The following RALGAPA1 variants were observed in gnomAD, a reference collection of about 807,000 sequenced individuals.
The protein encoded by RALGAPA1 is ral GTPase-activating protein subunit alpha-1.
Under a neutral mutation model 269.6 loss-of-function variants are expected in RALGAPA1, and 52 were observed. The observed-to-expected ratio is 0.19, with a 90% CI of 0.15 to 0.24. The LOEUF (loss-of-function observed/expected upper bound fraction) is 0.24. Among genes scored for constraint, RALGAPA1 ranks in the 10% least tolerant of loss-of-function variants. The pLI is 1.00. For synonymous variants in RALGAPA1, 817 were observed against 1,008.3 expected, an observed-to-expected ratio of 0.81 and a Z score of 3.60; for missense variants, 1,917 against 3,013.9, an observed-to-expected ratio of 0.64 and a Z score of 8.52.
chr14:35,578,059 C>T (rs2057694426), intron 37 of RALGAPA1, among the ~76,000 whole-genome samples: 1 of 152,084 alleles, frequency 6.6e-6, no homozygotes, highest in African/African-American at 2.4e-5. Context: ...CCTCCATATC[C>T]ACCTTCTTTC....
intron 37 of RALGAPA1, among the ~76,000 whole-genome samples, chr14:35,580,998 G>C (rs889166907): frequency 1.3e-5 from 2 of 152,050 alleles, no homozygotes; most frequent in East Asian, 1.9e-4. Context: ...AAAGGATAGG[G>C]GGGACAACCT....
At chr14:35,600,700 C>T (rs1023991590) in intron 36 of RALGAPA1, among the ~76,000 whole-genome samples, 1 of 152,162 alleles carries the variant, frequency 6.6e-6, no homozygotes, top group Admixed American at 6.5e-5. Flanking sequence ...TTGTTCTTTA[C>T]ATTTTCTATT....
intron 17 of RALGAPA1, 21 bp downstream of exon 17, chr14:35,700,141 A>G: frequency 6.6e-7 from 1 of 1,512,434 alleles, no homozygotes; most frequent in Non-Finnish European, 8.8e-7. Context: ...GTGGTGCAGA[A>G]ATTAGCAGAG....
intron 13 of RALGAPA1, among the ~76,000 whole-genome samples, chr14:35,725,779 T>C (rs994671605): frequency 7.9e-5 from 12 of 152,064 alleles, no homozygotes; most frequent in African/African-American, 2.7e-4. Flanking sequence ...GGTGGGCGAA[T>C]CACTTAAGCC....
rs112875858 is a variant in RALGAPA1, at chr14:35,728,267, A to G, written c.1736+95T>C. 293 of 1,190,794 alleles carry G rather than the reference A, an allele frequency of 2.5e-4. No individual in the cohort carries two copies. In the African/African-American group the frequency reaches 4.0e-3, roughly 16 times the overall value. The allele number at this position is 1,190,794 out of a possible 1,614,324, so 73.8% of individuals were successfully genotyped here. A position where few individuals can be genotyped will look rare whatever the true frequency, so the allele number is the denominator to read the frequency against. ...TAATAGGAGCCTCTATAATACTGTA[A>G]ACAAACCCTCTTCACAGACACTATT... On this transcript the variant is annotated intron_variant, in intron 13 of 41. Coordinates refer to ENST00000680220, the MANE Select transcript of RALGAPA1 (RefSeq NM_001346249.2).
At chr14:35,541,995 C>G in intron 41 of RALGAPA1, 1 of 1,241,816 alleles carries the variant, frequency 8.1e-7, no homozygotes. Context: ...TTCACAATGA[C>G]AATGCTTTGT....
chr14:35,647,872 T>C (rs1215156497), intron 31 of RALGAPA1, among the ~76,000 whole-genome samples: 1 of 151,490 alleles, frequency 6.6e-6, no homozygotes, highest in Non-Finnish European at 1.5e-5. Flanking sequence ...TGCTTGAACC[T>C]GGGAGGCGGA....
Position 35,561,541 on chromosome 14 carries a change from G to A in RALGAPA1, c.7496+9076C>T, listed in dbSNP as rs907039777. On this transcript the variant is annotated intron_variant, in intron 39 of 41. Coordinates refer to ENST00000680220, the MANE Select transcript of RALGAPA1 (RefSeq NM_001346249.2). ...TTTTTTTTTTTTTTTTTGAGACAGA[G>A]TCTTACACTGTTGCCCAGGCTGGAG... 1.7e-4 allele frequency among the ~76,000 whole-genome samples: 20 copies of A among 118,354 alleles called. No individual in the cohort carries two copies. In the Admixed American group the frequency reaches 1.8e-3, roughly 11 times the overall value. The allele number at this position is 118,354 out of a possible 152,430, so 77.6% of individuals were successfully genotyped here. A position where few individuals can be genotyped will look rare whatever the true frequency, so the allele number is the denominator to read the frequency against.
chr14:35,698,467 T>A (rs534147689), intron 17 of RALGAPA1, among the ~76,000 whole-genome samples: 86 of 152,082 alleles, frequency 5.7e-4, no homozygotes, highest in Non-Finnish European at 7.4e-4. Context: ...AAAAAATAAA[T>A]CTTTCTGACA....
chr14:35,715,663 G>T lies in RALGAPA1; in HGVS notation c.2266+6025C>A, dbSNP rs188035367. ...TAACTGAGAGTGAATTACTCCAGAG[G>T]TAATTTGTGTTTGCTTGTACAACTG... On this transcript the variant is annotated intron_variant, in intron 16 of 41. Coordinates refer to ENST00000680220, the MANE Select transcript of RALGAPA1 (RefSeq NM_001346249.2). The T allele has an allele frequency of 6.8e-5, 63 of 932,770 alleles. No individual in the cohort carries two copies. The African/African-American group carries it at 1.1e-3, about 16-fold the overall frequency. 57.8% of individuals were successfully genotyped at this position (932,770 alleles called of 1,614,324 possible).
chr14:35,629,268 T>C (rs1438463092), intron 33 of RALGAPA1, among the ~76,000 whole-genome samples: 1 of 134,166 alleles, frequency 7.5e-6, no homozygotes, highest in African/African-American at 2.7e-5. Context: ...TCATTCATGT[T>C]AGGATGTTTA....
At chr14:35,583,533 A>G (rs2058085268) in intron 37 of RALGAPA1, among the ~76,000 whole-genome samples, 1 of 152,238 alleles carries the variant, frequency 6.6e-6, no homozygotes, top group Non-Finnish European at 1.5e-5. Flanking sequence ...AAAGGAACAG[A>G]AGCAATATTT....
At chr14:35,548,447 A>C in intron 41 of RALGAPA1, 61 bp downstream of exon 41, 1 of 1,233,882 alleles carries the variant, frequency 8.1e-7, no homozygotes, top group South Asian at 1.4e-5. Flanking sequence ...AGAGCCTGCT[A>C]ATTTTGAAAA....
chr14:35,804,523 C>T (rs938599480), intron 1 of RALGAPA1, among the ~76,000 whole-genome samples: 25 of 151,668 alleles, frequency 1.6e-4, no homozygotes, highest in African/African-American at 9.7e-5. Context: ...GAGCCGAGAT[C>T]GTGCCATGGC....
chr14:35,578,235 C>T (rs2057707383), intron 37 of RALGAPA1, among the ~76,000 whole-genome samples: 1 of 152,236 alleles, frequency 6.6e-6, no homozygotes, highest in South Asian at 2.1e-4. Context: ...ACAAATGATG[C>T]TCTAAATATA....
chr14:35,780,196 A>G (rs963012769), intron 1 of RALGAPA1, among the ~76,000 whole-genome samples: 4 of 152,348 alleles, frequency 2.6e-5, no homozygotes, highest in South Asian at 2.1e-4. Flanking sequence ...GTGAACATAT[A>G]TGCACTTAAC....
chr14:35,685,342 C>G (rs1245134136), intron 19 of RALGAPA1, among the ~76,000 whole-genome samples, 197 bp from the exon 20 acceptor site: 1 of 151,964 alleles, frequency 6.6e-6, no homozygotes, highest in Non-Finnish European at 1.5e-5. Flanking sequence ...GCCTAAAGAC[C>G]CAAATATCAC....
In RALGAPA1 at chr14:35,629,787, C is replaced by T. The variant is rs191901010; in HGVS notation, c.5996-1836G>A. ...GGGTTGGGATTACAGGCGTGAGCCACTGTGCTGAGCCAAATACAGATTTAA... is the reference window on the plus strand; with the variant it reads ...GGGTTGGGATTACAGGCGTGAGCCATTGTGCTGAGCCAAATACAGATTTAA... On this transcript the variant is annotated intron_variant, in intron 33 of 41. Transcript: ENST00000680220. Among the ~76,000 whole-genome samples, 112 of 152,338 alleles carry T rather than the reference C, an allele frequency of 7.4e-4. No homozygotes were observed. The Middle Eastern group carries it at 0.01, about 14-fold the overall frequency.
intron 37 of RALGAPA1, among the ~76,000 whole-genome samples, chr14:35,581,088 T>C (rs1289879060): frequency 6.6e-6 from 1 of 152,120 alleles, no homozygotes; most frequent in Non-Finnish European, 1.5e-5. Flanking sequence ...ATTTATTAAA[T>C]TCAGGAGAAA....
Sources: allele counts gnomAD v4.1 joint callset (sites outside exome capture counted in the v4.1 genomes callset), GRCh38; gene constraint gnomAD v4.1.1; transcripts MANE v1.5; gene names NCBI Gene and HGNC (gene_info 2026-07-23, HGNC 2026-07-21).